The following RASA3 variants were observed in gnomAD, a reference collection of about 807,000 sequenced individuals.
The protein encoded by RASA3 is ras GTPase-activating protein 3.
Under a neutral mutation model 110.0 loss-of-function variants are expected in RASA3, and 73 were observed. The ratio of observed to expected loss-of-function variants is 0.66; its 90% CI spans 0.55 to 0.81. RASA3 has a LOEUF of 0.81. Ranked by LOEUF, RASA3 falls within the 30% of genes least tolerant of loss-of-function variation. RASA3 has a pLI of 0.00. For missense variants in RASA3, 976 were observed against 1,113.2 expected (o/e 0.88, Z 1.75); for synonymous variants, 500 against 451.4 (o/e 1.11, Z -1.37).
intron 3 of RASA3, among the ~76,000 whole-genome samples, chr13:114,049,974 G>A (rs797018099): frequency 1.3e-5 from 2 of 152,358 alleles, no homozygotes; most frequent in South Asian, 4.1e-4. Flanking sequence ...TCCCAGAGGT[G>A]GGCATGGCAG....
At chr13:114,100,534 C>T (rs2080043990) in intron 1 of RASA3, among the ~76,000 whole-genome samples, 1 of 152,206 alleles carries the variant, frequency 6.6e-6, no homozygotes, top group African/African-American at 2.4e-5. Flanking sequence ...GCGCTGCGCC[C>T]CACGGCTGGC....
In RASA3 at chr13:114,132,336, G is replaced by A. The variant is rs1288590299; in HGVS notation, c.55+99C>T. On this transcript the variant is annotated intron_variant, in intron 1 of 23. Coordinates refer to ENST00000334062, the MANE Select transcript of RASA3 (RefSeq NM_007368.4). Reference sequence around the variant, plus strand: ...CGCGCCGCGCCTGGAGGGCGTCTCCGCCGGGGTCCCCAGCAAGGATCTGCG... The same window carrying A: ...CGCGCCGCGCCTGGAGGGCGTCTCCACCGGGGTCCCCAGCAAGGATCTGCG... 1.4e-5 allele frequency: 18 copies of A among 1,260,802 alleles called. No individual in the cohort carries two copies. In the East Asian group the frequency reaches 5.1e-4, roughly 36 times the overall value. 78.1% of individuals were successfully genotyped at this position (1,260,802 alleles called of 1,614,324 possible). A position where few individuals can be genotyped will look rare whatever the true frequency, so the allele number is the denominator to read the frequency against.
intron 16 of RASA3, among the ~76,000 whole-genome samples, chr13:114,009,951 GCCA>G (rs2053596669): frequency 6.6e-6 from 1 of 152,250 alleles, no homozygotes; most frequent in African/African-American, 2.4e-5. Flanking sequence ...GGCCTTTGCA[GCCA>G]CCATTCCTGA....
At chr13:114,016,935 G>T (rs1284589659) in intron 12 of RASA3, among the ~76,000 whole-genome samples, 1 of 152,230 alleles carries the variant, frequency 6.6e-6, no homozygotes, top group Non-Finnish European at 1.5e-5. Context: ...ACAGGGGACT[G>T]CAGGACATGT....
chr13:114,032,790 ACGCCCCACGGCACCCCCACAC>A (rs2054196063), intron 4 of RASA3, among the ~76,000 whole-genome samples: 2 of 35,596 alleles, frequency 5.6e-5, no homozygotes, highest in Non-Finnish European at 9.4e-5. Context: ...CACTGACACC[ACGCCCCACGGCACCCCCACAC>A]TGACACCACG....
chr13:114,119,368 A>G (rs1358416197), intron 1 of RASA3, among the ~76,000 whole-genome samples: 1 of 152,202 alleles, frequency 6.6e-6, no homozygotes, highest in Non-Finnish European at 1.5e-5. Context: ...TTCCAGACGG[A>G]TGGGACCAGC....
intron 1 of RASA3, among the ~76,000 whole-genome samples, chr13:114,116,853 T>A (rs1442437160): frequency 1.7e-5 from 2 of 114,658 alleles, no homozygotes; most frequent in African/African-American, 3.6e-5. Context: ...AGTGTGGGTG[T>A]GCACGTGTGT....
intron 8 of RASA3, among the ~76,000 whole-genome samples, chr13:114,022,446 G>A (rs944069262): frequency 2.0e-4 from 30 of 152,188 alleles, no homozygotes; most frequent in African/African-American, 6.3e-4. Flanking sequence ...ACAGTTACAC[G>A]TGGCCAGCCC....
At chr13:114,106,228 ATGTG>A (rs1447354032) in intron 1 of RASA3, among the ~76,000 whole-genome samples, 2 of 152,204 alleles carry the variant, frequency 1.3e-5, no homozygotes, top group Non-Finnish European at 2.9e-5. Flanking sequence ...AATATTGAAT[ATGTG>A]TGCGCGCACC....
chr13:114,037,646 A>G (rs149822037), intron 4 of RASA3, among the ~76,000 whole-genome samples: 1 of 152,374 alleles, frequency 6.6e-6, no homozygotes, highest in East Asian at 1.9e-4. Flanking sequence ...TGAATTGGAC[A>G]TTTTAAATGG....
At chr13:114,032,154 C>T (rs1227063890) in intron 4 of RASA3, among the ~76,000 whole-genome samples, 3 of 152,020 alleles carry the variant, frequency 2.0e-5, no homozygotes, top group Non-Finnish European at 4.4e-5. Flanking sequence ...TTTCAAAAAC[C>T]GAGACCCTCA....
chr13:114,042,358 G>A (rs920544109), intron 3 of RASA3, among the ~76,000 whole-genome samples: 6 of 152,360 alleles, frequency 3.9e-5, no homozygotes, highest in South Asian at 2.1e-4. Context: ...ACCGATGCAC[G>A]TGAACTCCTA....
At chr13:114,093,204 CTTTGG>C (rs1483449934) in intron 1 of RASA3, among the ~76,000 whole-genome samples, 2 of 152,178 alleles carry the variant, frequency 1.3e-5, no homozygotes, top group Admixed American at 1.3e-4. Context: ...CATCCTTTTC[CTTTGG>C]TTTGAAGAAC....
intron 17 of RASA3, among the ~76,000 whole-genome samples, chr13:114,007,903 C>T (rs1028727397): frequency 1.3e-5 from 2 of 152,236 alleles, no homozygotes; most frequent in African/African-American, 2.4e-5. Flanking sequence ...ATCTGGGTCC[C>T]GGTAGTGAGG....
In RASA3 at chr13:113,979,206, A is replaced by G; in HGVS notation, c.*141T>C. 1 of 794,790 alleles carries G rather than the reference A, an allele frequency of 1.3e-6. No homozygotes were observed. Among genetic ancestry groups the G allele is most frequent in the South Asian group, 1.6e-5 (1 of 61,444 alleles). The allele number at this position is 794,790 out of a possible 1,614,324, so 49.2% of individuals were successfully genotyped here. On this transcript the variant is annotated 3_prime_UTR_variant, in exon 24 of 24. Transcript: ENST00000334062. ...GTGGCAGCGGTTCTGGGAGAGGGAAACCCCAGCGCCACTTGTCTATGGGCC... is the reference window on the plus strand; with the variant it reads ...GTGGCAGCGGTTCTGGGAGAGGGAAGCCCCAGCGCCACTTGTCTATGGGCC...
chr13:114,077,904 G>A, intron 1 of RASA3: 4 of 984,598 alleles, frequency 4.1e-6, no homozygotes, highest in Non-Finnish European at 4.8e-6. Context: ...GGGACAAAAT[G>A]CAAGCCCATT....
At chr13:114,095,118 G>T (rs557363345) in intron 1 of RASA3, among the ~76,000 whole-genome samples, 1 of 152,192 alleles carries the variant, frequency 6.6e-6, no homozygotes, top group East Asian at 1.9e-4. Context: ...GTTCACACAG[G>T]AAAGTCAGGA....
At position 114,008,906 on chromosome 13, in the gene RASA3, T is replaced by C. The variant is rs9562151; in HGVS notation, c.1668+481A>G. On this transcript the variant is annotated intron_variant, in intron 17 of 23. Coordinates refer to ENST00000334062, the MANE Select transcript of RASA3 (RefSeq NM_007368.4). Reference sequence around the variant, plus strand: ...TGTGGTCTGGATGTTCCCCACGCACTGCGTTCCTGACTGTGGGGAGGAGCA... The same window carrying C: ...TGTGGTCTGGATGTTCCCCACGCACCGCGTTCCTGACTGTGGGGAGGAGCA... 6.6e-3 allele frequency among the ~76,000 whole-genome samples: 316 copies of C among 47,568 alleles called. 16 individuals carry two copies. Among genetic ancestry groups the C allele is most frequent in the Admixed American group, 0.01 (52 of 5,072 alleles). The allele number at this position is 47,568 out of a possible 152,430, so 31.2% of individuals were successfully genotyped here.
At chr13:114,125,931 C>T (rs111744768) in intron 1 of RASA3, among the ~76,000 whole-genome samples, 12 of 130,700 alleles carry the variant, frequency 9.2e-5, no homozygotes, top group African/African-American at 3.3e-4. Flanking sequence ...CCAGAGGTAC[C>T]GGCACCTGCT....
Sources: gnomAD v4.1 joint callset for allele counts (sites outside exome capture counted in the v4.1 genomes callset) on GRCh38, gnomAD v4.1.1 for gene constraint, MANE v1.5 for transcripts, NCBI Gene and HGNC (gene_info 2026-07-23, HGNC 2026-07-21) for gene names.